Variants in NCKAP5 observed in about 807,000 individuals in gnomAD.
NCKAP5 encodes nck-associated protein 5.
NCKAP5 carries 92 observed loss-of-function variants against 167.0 expected under a neutral mutation model. The ratio of observed to expected loss-of-function variants is 0.55; its 90% CI spans 0.47 to 0.66. NCKAP5 has a LOEUF of 0.66. Ranked by LOEUF, NCKAP5 falls within the 30% of genes least tolerant of loss-of-function variation. NCKAP5 has a pLI of 0.00. For synonymous variants in NCKAP5, 891 were observed against 877.4 expected (o/e 1.02, Z -0.27); for missense variants, 2,378 against 2,315.0 (o/e 1.03, Z -0.56).
chr2:132,868,044 G>A (rs757841717), intron 10 of NCKAP5, among the ~76,000 whole-genome samples: 1 of 151,996 alleles, frequency 6.6e-6, no homozygotes, highest in Non-Finnish European at 1.5e-5. Context: ...GTATCTCCAT[G>A]AGCAGCAGTC....
chr2:132,781,768 C>T (rs1439552769), intron 14 of NCKAP5, among the ~76,000 whole-genome samples, 172 bp downstream of exon 14: 1 of 152,198 alleles, frequency 6.6e-6, no homozygotes, highest in East Asian at 1.9e-4. Context: ...TTATTGCTAA[C>T]TTTTATTTCA....
chr2:133,222,768 TC>T (rs1000110234), intron 4 of NCKAP5, among the ~76,000 whole-genome samples: 21 of 152,176 alleles, frequency 1.4e-4, no homozygotes, highest in Non-Finnish European at 2.1e-4. Flanking sequence ...ATGCCTATTA[TC>T]CCACTGCTCA....
chr2:132,909,889 C>T (rs1694308526), intron 8 of NCKAP5, among the ~76,000 whole-genome samples: 1 of 152,188 alleles, frequency 6.6e-6, no homozygotes, highest in African/African-American at 2.4e-5. Flanking sequence ...AAAGTCCTTA[C>T]TCTATGTGAT....
At chr2:133,101,975 A>C (rs753946824) in intron 6 of NCKAP5, among the ~76,000 whole-genome samples, 2 of 152,196 alleles carry the variant, frequency 1.3e-5, no homozygotes, top group Non-Finnish European at 2.9e-5. Context: ...AGATTGTGAA[A>C]ATTTGGGAGA....
chr2:133,075,666 C>T (rs1213940968), intron 6 of NCKAP5, among the ~76,000 whole-genome samples: 2 of 152,018 alleles, frequency 1.3e-5, no homozygotes, highest in African/African-American at 2.4e-5. Flanking sequence ...AAAAATTAGG[C>T]ATTAATGTTG....
chr2:133,644,057 G>A, the NCKAP5 span, among the ~76,000 whole-genome samples: 190 of 152,198 alleles, frequency 1.2e-3, no homozygotes, highest in African/African-American at 4.3e-3. Flanking sequence ...GTACTGTGAT[G>A]GTTAATTTTA....
chr2:133,474,656 A>G (rs1679717826), intron 3 of NCKAP5, among the ~76,000 whole-genome samples: 1 of 152,230 alleles, frequency 6.6e-6, no homozygotes, highest in African/African-American at 2.4e-5. Flanking sequence ...GTACACCATT[A>G]AAATGTACAA....
At chr2:132,799,102 C>T (rs374998815) in intron 11 of NCKAP5, among the ~76,000 whole-genome samples, 252 of 152,112 alleles carry the variant, frequency 1.7e-3, no homozygotes, top group African/African-American at 5.4e-3. Flanking sequence ...TGCAGCAACA[C>T]GAATCCAGCT....
At position 132,880,629 on chromosome 2, in the gene NCKAP5, G is replaced by GA. The variant is rs899292188; in HGVS notation, c.580-1714dup. Among the ~76,000 whole-genome samples, 218 of 149,160 alleles carry GA rather than the reference G, an allele frequency of 1.5e-3. 1 individual carries two copies. Among genetic ancestry groups the GA allele is most frequent in the African/African-American group, 4.9e-3 (201 of 40,736 alleles). The stretch of plus-strand genomic sequence containing the variant: ...TGGAAGATAGTGAGACTCCATCTCA[G>GA]AAAAAAAAAGAGAAAAAAGAAATGA... On this transcript the variant is annotated intron_variant, in intron 8 of 19. Coordinates refer to ENST00000409261, the MANE Select transcript of NCKAP5 (RefSeq NM_207363.3).
intron 4 of NCKAP5, among the ~76,000 whole-genome samples, chr2:133,291,764 G>A (rs901503599): frequency 3.9e-5 from 6 of 152,182 alleles, no homozygotes; most frequent in Non-Finnish European, 5.9e-5. Flanking sequence ...AGACGTTTGC[G>A]TTCCCACGCA....
At chr2:132,836,006 T>C (rs1687864981) in intron 11 of NCKAP5, among the ~76,000 whole-genome samples, 1 of 152,216 alleles carries the variant, frequency 6.6e-6, no homozygotes, top group African/African-American at 2.4e-5. Context: ...TCCTGTTTTA[T>C]TGATGGGACA....
At chr2:133,137,406 TTGTGTGTGTGTGTGTGTGTG>T (rs58955655) in intron 5 of NCKAP5, among the ~76,000 whole-genome samples, 4 of 136,202 alleles carry the variant, frequency 2.9e-5, no homozygotes, top group Non-Finnish European at 6.3e-5. Flanking sequence ...GAGCTTGGTT[TTGTGTGTGTGTGTGTGTGTG>T]TGTGTGTGTG....
In NCKAP5 at chr2:133,102,615, A is replaced by G. The variant is rs369073005; in HGVS notation, c.341+27363T>C. Among the ~76,000 whole-genome samples the G allele has an allele frequency of 5.9e-5, 9 of 152,300 alleles. No individual in the cohort carries two copies. The East Asian group carries it at 1.5e-3, about 26-fold the overall frequency. ...GCTCTCTCTTAAGGATCTTTATTCC[A>G]AAGTCCAGGTGCTTTGCTACATCTC... is the stretch of plus-strand genomic sequence containing the variant. On this transcript the variant is annotated intron_variant, in intron 6 of 19. Transcript: ENST00000409261.
At chr2:132,932,974 G>C (rs1378785686) in intron 8 of NCKAP5, among the ~76,000 whole-genome samples, 2 of 145,918 alleles carry the variant, frequency 1.4e-5, no homozygotes, top group Non-Finnish European at 3.0e-5. Context: ...GCCCAGGCTG[G>C]AGTGCAGTGG....
chr2:133,430,941 T>C (rs1253609457), intron 3 of NCKAP5, among the ~76,000 whole-genome samples: 2 of 151,410 alleles, frequency 1.3e-5, no homozygotes, highest in Non-Finnish European at 2.9e-5. Flanking sequence ...ATTGATATCA[T>C]CAGGAAGCCA....
At chr2:133,611,470 C>A in the NCKAP5 span, among the ~76,000 whole-genome samples, 1 of 152,298 alleles carries the variant, frequency 6.6e-6, no homozygotes, top group South Asian at 2.1e-4. Flanking sequence ...ATGAGCCTCT[C>A]AATTTCCCAA....
rs149775600 is a variant in NCKAP5 at position 133,435,242 on chromosome 2, G to T, written c.69+82216C>A. ...ATGTAATGCTCAGGAGGTGATTTAG[G>T]CCTACTTAATCTCCAGGACATCTGA... On this transcript the variant is annotated intron_variant, in intron 3 of 19. Coordinates refer to ENST00000409261, the MANE Select transcript of NCKAP5 (RefSeq NM_207363.3). Among the ~76,000 whole-genome samples, 5 of 152,252 alleles carry T rather than the reference G, an allele frequency of 3.3e-5. No individual in the cohort carries two copies. The South Asian group carries it at 1.0e-3, about 32-fold the overall frequency.
intron 3 of NCKAP5, among the ~76,000 whole-genome samples, chr2:133,399,672 T>A (rs187032700): frequency 2.6e-5 from 4 of 152,326 alleles, no homozygotes; most frequent in Admixed American, 2.6e-4. Flanking sequence ...TTTAGAAATA[T>A]GTGTAGGAGA....
chr2:133,593,982 G>A, the NCKAP5 span, among the ~76,000 whole-genome samples: 1 of 152,316 alleles, frequency 6.6e-6, no homozygotes, highest in Admixed American at 6.5e-5. Flanking sequence ...AGGCCCAGGT[G>A]GAGCCTCCTA....
Sources: allele counts gnomAD v4.1 joint callset (sites outside exome capture counted in the v4.1 genomes callset), GRCh38; gene constraint gnomAD v4.1.1; transcripts MANE v1.5; gene names NCBI Gene and HGNC (gene_info 2026-07-23, HGNC 2026-07-21).